Variants in SLC25A21 observed in about 807,000 individuals in gnomAD.
The protein encoded by SLC25A21 is solute carrier family 25 member 21.
Under a neutral mutation model 43.8 loss-of-function variants are expected in SLC25A21, and 47 were observed. The observed-to-expected ratio is 1.07, with a 90% CI of 0.85 to 1.37. The LOEUF (loss-of-function observed/expected upper bound fraction) is 1.37. Ranked by LOEUF, SLC25A21 falls within the 40% of genes most tolerant of loss-of-function variation. The pLI is 0.00. For synonymous variants in SLC25A21, 131 were observed against 121.3 expected, an observed-to-expected ratio of 1.08 and a Z score of -0.52; for missense variants, 352 against 350.2, an observed-to-expected ratio of 1.00 and a Z score of -0.04.
Position 36,753,233 on chromosome 14 carries a change from G to A in SLC25A21, c.204-18660C>T, listed in dbSNP as rs537043766. ...TAAAATGGCAAATTTTATGTTATGT[G>A]TATTATGACATAATAAAAAATAACA... is the stretch of plus-strand genomic sequence containing the variant. On this transcript the variant is annotated intron_variant, in intron 3 of 9. Coordinates refer to ENST00000331299, the MANE Select transcript of SLC25A21 (RefSeq NM_030631.4). 7.9e-5 allele frequency among the ~76,000 whole-genome samples: 12 copies of A among 152,216 alleles called. 1 individual carries two copies. In the South Asian group the frequency reaches 1.7e-3, roughly 21 times the overall value.
chr14:36,789,916 T>A (rs11851700), intron 3 of SLC25A21, among the ~76,000 whole-genome samples: 5 of 123,418 alleles, frequency 4.1e-5, no homozygotes, highest in African/African-American at 6.2e-5. Flanking sequence ...TTATATATAT[T>A]ATATATTTAT....
intron 1 of SLC25A21, among the ~76,000 whole-genome samples, chr14:37,024,595 T>C (rs983417133): frequency 6.6e-6 from 1 of 152,014 alleles, no homozygotes; most frequent in Admixed American, 6.6e-5. Flanking sequence ...AGATAAATCC[T>C]TACTGGATTT....
At chr14:36,941,533 C>T (rs1486904876) in intron 1 of SLC25A21, among the ~76,000 whole-genome samples, 2 of 151,954 alleles carry the variant, frequency 1.3e-5, no homozygotes, top group African/African-American at 4.8e-5. Flanking sequence ...GTTTTTACCA[C>T]ATTAATTTGC....
At chr14:36,699,401 G>T (rs1347322744) in intron 7 of SLC25A21, among the ~76,000 whole-genome samples, 1 of 152,132 alleles carries the variant, frequency 6.6e-6, no homozygotes, top group Non-Finnish European at 1.5e-5. Context: ...GCTACACAGG[G>T]ATCAGGGACC....
intron 1 of SLC25A21, among the ~76,000 whole-genome samples, chr14:37,050,459 G>A (rs1362195911): frequency 6.6e-6 from 1 of 152,232 alleles, no homozygotes; most frequent in Non-Finnish European, 1.5e-5. Context: ...ATGCACAAGA[G>A]GCTGAGTGGG....
At chr14:37,089,189 G>T (rs533578831) in intron 1 of SLC25A21, among the ~76,000 whole-genome samples, 1 of 152,032 alleles carries the variant, frequency 6.6e-6, no homozygotes, top group African/African-American at 2.4e-5. Flanking sequence ...CCTCCAATGA[G>T]GATTAAAAGG....
chr14:37,076,765 T>A (rs190278312), intron 1 of SLC25A21, among the ~76,000 whole-genome samples: 136 of 152,276 alleles, frequency 8.9e-4, no homozygotes, highest in African/African-American at 3.0e-3. Flanking sequence ...ACTACAGGCG[T>A]GAGCCACTGC....
chr14:36,678,424 C>G lies in SLC25A21; in HGVS notation c.*2234G>C. ...AATAAGCAGAAGGAGCAGATGAACTCTCAGGGCCATAGTCTTCCTTTGATC... is the reference window on the plus strand; with the variant it reads ...AATAAGCAGAAGGAGCAGATGAACTGTCAGGGCCATAGTCTTCCTTTGATC... On this transcript the variant is annotated 3_prime_UTR_variant, in exon 10 of 10. Transcript: ENST00000331299. The G allele has an allele frequency of 7.3e-7, 1 of 1,364,572 alleles. No individual in the cohort carries two copies. The highest frequency in any genetic ancestry group is 1.0e-6 in the Non-Finnish European group (1 of 989,674). The allele number at this position is 1,364,572 out of a possible 1,614,324, so 84.5% of individuals were successfully genotyped here. A position where few individuals can be genotyped will look rare whatever the true frequency, so the allele number is the denominator to read the frequency against.
intron 1 of SLC25A21, among the ~76,000 whole-genome samples, chr14:37,004,606 T>A (rs539242610): frequency 3.0e-4 from 45 of 152,214 alleles, no homozygotes; most frequent in African/African-American, 1.1e-3. Flanking sequence ...CAAAACAAAA[T>A]CCAGAATTGT....
At chr14:36,857,763 G>C (rs1168469786) in intron 2 of SLC25A21, among the ~76,000 whole-genome samples, 1 of 152,218 alleles carries the variant, frequency 6.6e-6, no homozygotes, top group African/African-American at 2.4e-5. Flanking sequence ...CTCCCTAGGA[G>C]AGGGGCATTG....
intron 3 of SLC25A21, among the ~76,000 whole-genome samples, chr14:36,774,506 G>A (rs1886748519): frequency 6.6e-6 from 1 of 152,142 alleles, no homozygotes; most frequent in Non-Finnish European, 1.5e-5. Flanking sequence ...ATATATTCTG[G>A]ACTCCAAATT....
intron 1 of SLC25A21, among the ~76,000 whole-genome samples, chr14:36,953,820 C>T (rs1024265338): frequency 6.6e-6 from 1 of 152,106 alleles, no homozygotes; most frequent in African/African-American, 2.4e-5. Flanking sequence ...ATTTTAGACA[C>T]TCTTGTGGTT....
At chr14:36,781,034 T>C (rs1265165846) in intron 3 of SLC25A21, among the ~76,000 whole-genome samples, 1 of 152,154 alleles carries the variant, frequency 6.6e-6, no homozygotes, top group Non-Finnish European at 1.5e-5. Context: ...ATTTCAAGTG[T>C]TATATTCTTT....
chr14:37,092,771 C>CT (rs959128444), intron 1 of SLC25A21, among the ~76,000 whole-genome samples: 19 of 150,912 alleles, frequency 1.3e-4, no homozygotes, highest in South Asian at 4.2e-4. Flanking sequence ...TTTATCCCAC[C>CT]TTTTTTTTTA....
chr14:37,052,858 G>A (rs760526768), intron 1 of SLC25A21, among the ~76,000 whole-genome samples: 2 of 152,064 alleles, frequency 1.3e-5, no homozygotes, highest in Admixed American at 6.5e-5. Flanking sequence ...GACTGATTTC[G>A]AACTCCTGGC....
intron 1 of SLC25A21, among the ~76,000 whole-genome samples, chr14:36,907,078 C>T (rs560876141): frequency 2.0e-5 from 3 of 152,170 alleles, no homozygotes; most frequent in Admixed American, 2.0e-4. Context: ...TCTAGGAAGG[C>T]TTTGAAAACT....
intron 2 of SLC25A21, among the ~76,000 whole-genome samples, chr14:36,839,183 CTCAT>C (rs2138494850): frequency 6.6e-6 from 1 of 152,288 alleles, no homozygotes; most frequent in South Asian, 2.1e-4. Context: ...ATGACAGACT[CTCAT>C]TCAAATAATA....
At chr14:36,862,137 T>G (rs1205936757) in intron 2 of SLC25A21, among the ~76,000 whole-genome samples, 1 of 152,134 alleles carries the variant, frequency 6.6e-6, no homozygotes, top group South Asian at 2.1e-4. Context: ...TATGGAGAAA[T>G]AGGAATGCTT....
At position 36,973,019 on chromosome 14, in the gene SLC25A21, A is replaced by ATTTATTTTAT. The variant is rs36001814; in HGVS notation, c.71-98025_71-98016dup. Among the ~76,000 whole-genome samples the ATTTATTTTAT allele has an allele frequency of 9.3e-4, 120 of 128,988 alleles. 1 individual carries two copies. Among genetic ancestry groups the ATTTATTTTAT allele is most frequent in the African/African-American group, 1.5e-3 (39 of 25,208 alleles). 84.6% of individuals were successfully genotyped at this position (128,988 alleles called of 152,430 possible). A position where few individuals can be genotyped will look rare whatever the true frequency, so the allele number is the denominator to read the frequency against. ...GGCTAATTTTTATTTTTATTTATTT[A>ATTTATTTTAT]TTTATTTTATTTTATTTTATTTTAT... is the stretch of plus-strand genomic sequence containing the variant. On this transcript the variant is annotated intron_variant, in intron 1 of 9. Coordinates refer to ENST00000331299, the MANE Select transcript of SLC25A21 (RefSeq NM_030631.4).
Sources: allele counts gnomAD v4.1 joint callset (sites outside exome capture counted in the v4.1 genomes callset), GRCh38; gene constraint gnomAD v4.1.1; transcripts MANE v1.5; gene names NCBI Gene and HGNC (gene_info 2026-07-23, HGNC 2026-07-21).